The following EYA1 variants were observed in gnomAD, a reference collection of about 807,000 sequenced individuals.
EYA1 encodes the protein EYA transcriptional coactivator and phosphatase 1, also known as protein phosphatase EYA1.
Under a neutral mutation model 82.0 loss-of-function variants are expected in EYA1, and 16 were observed. That is an observed-to-expected ratio of 0.20 (90% CI 0.13 to 0.30). EYA1 has a LOEUF of 0.30. EYA1 is among the 10% of genes least tolerant of loss of function. The pLI is 1.00. For synonymous variants in EYA1, 261 were observed against 264.4 expected (o/e 0.99, Z 0.12); for missense variants, 633 against 730.7 (o/e 0.87, Z 1.54).
chr8:71,474,544 C>T (rs540032608), intron 2 of EYA1, among the ~76,000 whole-genome samples: 1 of 152,278 alleles, frequency 6.6e-6, no homozygotes, highest in Admixed American at 6.5e-5. Context: ...ACACTCTCAA[C>T]CCTACAAATT....
intron 4 of EYA1, among the ~76,000 whole-genome samples, chr8:71,325,338 T>C (rs756805199): frequency 6.6e-6 from 1 of 152,290 alleles, no homozygotes; most frequent in African/African-American, 2.4e-5. Flanking sequence ...TCTTGGAACA[T>C]TGCAATCCTT....
intron 7 of EYA1, among the ~76,000 whole-genome samples, chr8:71,302,579 C>T (rs1327375040): frequency 9.9e-6 from 1 of 101,278 alleles, no homozygotes; most frequent in Non-Finnish European, 2.6e-5. Context: ...GCTTTGGAGA[C>T]TTAATGCAAC....
intron 17 of EYA1, among the ~76,000 whole-genome samples, chr8:71,201,668 T>C (rs80042214): frequency 0.013 from 1,988 of 152,284 alleles, 33 homozygotes; most frequent in African/African-American, 0.042. Flanking sequence ...TCAAACATAC[T>C]TGAAATTATG....
intron 9 of EYA1, among the ~76,000 whole-genome samples, chr8:71,292,483 A>C (rs1284763365): frequency 6.6e-6 from 1 of 152,072 alleles, no homozygotes; most frequent in Non-Finnish European, 1.5e-5. Context: ...TCTGATCAAA[A>C]TTTTATTTTA....
intron 12 of EYA1, among the ~76,000 whole-genome samples, chr8:71,236,933 A>G (rs1811907562): frequency 6.6e-6 from 1 of 152,236 alleles, no homozygotes; most frequent in Non-Finnish European, 1.5e-5. Context: ...GAAAACTTGT[A>G]TCCCTTTATA....
chr8:71,221,945 G>A (rs1317920327), intron 12 of EYA1, among the ~76,000 whole-genome samples: 2 of 152,208 alleles, frequency 1.3e-5, no homozygotes, highest in Non-Finnish European at 2.9e-5. Context: ...CAATGCACAT[G>A]CCGGCAGCCC....
At chr8:71,512,780 A>T (rs1812696357) in intron 2 of EYA1, among the ~76,000 whole-genome samples, 1 of 152,154 alleles carries the variant, frequency 6.6e-6, no homozygotes. Context: ...CCAATCAAAA[A>T]ATAACACTAA....
At chr8:71,450,900 G>A (rs554392849) in intron 2 of EYA1, among the ~76,000 whole-genome samples, 10 of 152,256 alleles carry the variant, frequency 6.6e-5, no homozygotes, top group East Asian at 3.9e-4. Context: ...TTTAACTTCC[G>A]TAAAATGACT....
intron 2 of EYA1, among the ~76,000 whole-genome samples, chr8:71,488,506 A>G (rs922560045): frequency 6.6e-6 from 1 of 152,226 alleles, no homozygotes; most frequent in African/African-American, 2.4e-5. Flanking sequence ...GGTTCAATTT[A>G]TATATGCATC....
At chr8:71,221,784 C>A (rs1809952177) in intron 12 of EYA1, among the ~76,000 whole-genome samples, 1 of 152,120 alleles carries the variant, frequency 6.6e-6, no homozygotes, top group Admixed American at 6.5e-5. Context: ...ATGCAGGCAC[C>A]AGGGTCCCTG....
intron 2 of EYA1, among the ~76,000 whole-genome samples, chr8:71,452,948 G>T (rs973628629): frequency 6.6e-6 from 1 of 152,158 alleles, no homozygotes; most frequent in Non-Finnish European, 1.5e-5. Flanking sequence ...AGAGAAGAAG[G>T]CTTCAGACAA....
At chr8:71,464,854 T>C (rs1047863415) in intron 2 of EYA1, among the ~76,000 whole-genome samples, 3 of 152,220 alleles carry the variant, frequency 2.0e-5, no homozygotes, top group Admixed American at 6.5e-5. Context: ...TTCCTATTGG[T>C]GATCTTGCAA....
At chr8:71,424,693 T>C (rs1400064636) in intron 2 of EYA1, among the ~76,000 whole-genome samples, 1 of 152,170 alleles carries the variant, frequency 6.6e-6, no homozygotes, top group African/African-American at 2.4e-5. Flanking sequence ...CTCTGCACTA[T>C]GGGATCAATG....
At position 71,240,470 on chromosome 8, in the gene EYA1, C is replaced by A. The variant is rs556517245; in HGVS notation, c.1140+4133G>T. Among the ~76,000 whole-genome samples, 5 of 152,222 alleles carry A rather than the reference C, an allele frequency of 3.3e-5. No homozygotes were observed. The East Asian group carries it at 9.7e-4, about 29-fold the overall frequency. On this transcript the variant is annotated intron_variant, in intron 12 of 17. Transcript: ENST00000340726. The stretch of plus-strand genomic sequence containing the variant: ...GAGAGGGGAGTTTAGAACAGCTTTG[C>A]TACTAACGGGGTGAGCGTGGTATGT...
chr8:71,280,007 G>A (rs1056605040), intron 9 of EYA1, among the ~76,000 whole-genome samples: 4 of 152,158 alleles, frequency 2.6e-5, no homozygotes, highest in African/African-American at 9.7e-5. Context: ...TGCTTGACAG[G>A]CTATGAATTC....
At position 71,336,573 on chromosome 8, in the gene EYA1, T is replaced by C. The variant is rs1824508326; in HGVS notation, c.125-2399A>G. 2.0e-5 allele frequency among the ~76,000 whole-genome samples: 3 copies of C among 152,218 alleles called. No homozygotes were observed. In the South Asian group the frequency reaches 6.2e-4, roughly 32 times the overall value. On this transcript the variant is annotated intron_variant, in intron 3 of 17. Transcript: ENST00000340726. ...TTGACACCAGCTATTCTCCATATGA[T>C]TAGCTTAATCGAATGTAGCCTTCAC...
chr8:71,344,759 C>T (rs969321126), intron 3 of EYA1, among the ~76,000 whole-genome samples: 2 of 152,096 alleles, frequency 1.3e-5, no homozygotes, highest in African/African-American at 4.8e-5. Context: ...TGCAAATTAG[C>T]GGGTGGTAAA....
intron 2 of EYA1, among the ~76,000 whole-genome samples, chr8:71,517,972 TA>T: frequency 6.6e-6 from 1 of 151,982 alleles, no homozygotes; most frequent in Non-Finnish European, 1.5e-5. Flanking sequence ...TCTTCATCAG[TA>T]AAAATTTCAG....
Position 71,361,717 on chromosome 8 carries a change from TC to T in EYA1, c.-126del. The T allele has an allele frequency of 1.0e-6, 1 of 985,488 alleles. No individual in the cohort carries two copies. Among genetic ancestry groups the T allele is most frequent in the Non-Finnish European group, 1.2e-6 (1 of 829,984 alleles). The allele number at this position is 985,488 out of a possible 1,614,324, so 61.0% of individuals were successfully genotyped here. On this transcript the variant is annotated 5_prime_UTR_variant, in exon 1 of 18. It removes the in-frame stop codon of an upstream open reading frame in the 5' UTR. Transcript: ENST00000340726. ...ATTTTCTGGGTTAGCAAACCTCCATTCCTGACATAGTTTTGCTCCTGGATGG... is the reference window on the plus strand; with the variant it reads ...ATTTTCTGGGTTAGCAAACCTCCATTCTGACATAGTTTTGCTCCTGGATGG...
Sources: gnomAD v4.1 joint callset for allele counts (sites outside exome capture counted in the v4.1 genomes callset) on GRCh38, gnomAD v4.1.1 for gene constraint, MANE v1.5 for transcripts, NCBI Gene and HGNC (gene_info 2026-07-23, HGNC 2026-07-21) for gene names.